DCDC2C: variants seen among roughly 807,000 people sequenced by gnomAD.
DCDC2C encodes doublecortin domain containing 2C.
DCDC2C carries 44 observed loss-of-function variants against 45.0 expected under a neutral mutation model. The observed-to-expected ratio is 0.98, with a 90% CI of 0.77 to 1.26. The LOEUF (loss-of-function observed/expected upper bound fraction) is 1.26, where lower values mean the gene tolerates loss of function less well. Ranked by LOEUF, DCDC2C falls within the 50% of genes most tolerant of loss-of-function variation. The pLI, the probability that DCDC2C is intolerant of heterozygous loss-of-function variation, is 0.00. For synonymous variants in DCDC2C, 187 were observed against 178.8 expected, an observed-to-expected ratio of 1.05 and a Z score of -0.37; for missense variants, 447 against 468.9, an observed-to-expected ratio of 0.95 and a Z score of 0.43.
At chr2:3,837,833 G>T (rs1572652014) in intron 10 of DCDC2C, among the ~76,000 whole-genome samples, 1 of 152,192 alleles carries the variant, frequency 6.6e-6, no homozygotes, top group African/African-American at 2.4e-5. Flanking sequence ...TTGGTCCTAT[G>T]CAGGAACAGG....
At chr2:3,839,294 A>C (rs1672153735) in intron 10 of DCDC2C, among the ~76,000 whole-genome samples, 1 of 152,240 alleles carries the variant, frequency 6.6e-6, no homozygotes, top group African/African-American at 2.4e-5. Context: ...AACTTTTCAC[A>C]AACTAATTAT....
At chr2:3,749,680 T>A (rs1669480932) in intron 4 of DCDC2C, among the ~76,000 whole-genome samples, 1 of 152,194 alleles carries the variant, frequency 6.6e-6, no homozygotes, top group Non-Finnish European at 1.5e-5. Context: ...GGCCAAGGTG[T>A]CCTGTTGGCC....
chr2:3,833,078 T>C (rs1671990228), intron 10 of DCDC2C, among the ~76,000 whole-genome samples: 1 of 152,212 alleles, frequency 6.6e-6, no homozygotes, highest in South Asian at 2.1e-4. Flanking sequence ...ATCCTTTGGC[T>C]TGTGGGCCCT....
intron 10 of DCDC2C, among the ~76,000 whole-genome samples, chr2:3,790,101 G>A (rs765360114): frequency 6.6e-6 from 1 of 152,194 alleles, no homozygotes; most frequent in Non-Finnish European, 1.5e-5. Context: ...GAAGGGTCTT[G>A]AAGGAGATAG....
chr2:3,735,669 TG>T (rs1669004438), intron 3 of DCDC2C, among the ~76,000 whole-genome samples: 1 of 152,076 alleles, frequency 6.6e-6, no homozygotes, highest in Non-Finnish European at 1.5e-5. Flanking sequence ...CAGGTGAAGG[TG>T]ACAAGCCCGG....
At chr2:3,779,045 G>A (rs1670435840) in intron 9 of DCDC2C, among the ~76,000 whole-genome samples, 161 bp downstream of exon 9, 1 of 152,162 alleles carries the variant, frequency 6.6e-6, no homozygotes, top group Non-Finnish European at 1.5e-5. Context: ...GGCAGCCGTG[G>A]ACACGATCGG....
intron 2 of DCDC2C, among the ~76,000 whole-genome samples, chr2:3,711,906 G>A (rs143364017): frequency 6.6e-6 from 1 of 152,320 alleles, no homozygotes; most frequent in East Asian, 1.9e-4. Flanking sequence ...CTCTGGGGTC[G>A]TGGGGATGGA....
At chr2:3,835,747 A>T (rs1672061449) in intron 10 of DCDC2C, among the ~76,000 whole-genome samples, 1 of 151,554 alleles carries the variant, frequency 6.6e-6, no homozygotes, top group Non-Finnish European at 1.5e-5. Flanking sequence ...TAAGGACAAG[A>T]TCCTTTTTTT....
At chr2:3,832,627 C>T (rs1303938401) in intron 10 of DCDC2C, among the ~76,000 whole-genome samples, 2 of 152,202 alleles carry the variant, frequency 1.3e-5, no homozygotes, top group Non-Finnish European at 2.9e-5. Context: ...CCGCTTGAGT[C>T]TTCTCTTCTC....
chr2:3,705,382 A>C (rs372916695), intron 1 of DCDC2C, among the ~76,000 whole-genome samples: 1 of 152,212 alleles, frequency 6.6e-6, no homozygotes, highest in Admixed American at 6.5e-5. Context: ...CTTTATAGCC[A>C]TGTGATTTGT....
intron 8 of DCDC2C, among the ~76,000 whole-genome samples, chr2:3,776,819 C>T (rs568330349): frequency 3.3e-5 from 5 of 152,304 alleles, no homozygotes; most frequent in East Asian, 1.9e-4. Context: ...GAATGCAACT[C>T]GCGGTCTCCT....
At chr2:3,837,844 A>G (rs996206521) in intron 10 of DCDC2C, among the ~76,000 whole-genome samples, 3 of 152,216 alleles carry the variant, frequency 2.0e-5, no homozygotes, top group Admixed American at 6.5e-5. Context: ...CAGGAACAGG[A>G]CAGCCCCTCC....
chr2:3,800,030 T>C (rs1219527533), intron 10 of DCDC2C, among the ~76,000 whole-genome samples: 1 of 152,112 alleles, frequency 6.6e-6, no homozygotes, highest in Admixed American at 6.5e-5. Context: ...ACTCCGTGGG[T>C]GTAGGACCCT....
chr2:3,725,638 G>GGAGGAGGCT (rs1668640986), intron 2 of DCDC2C, among the ~76,000 whole-genome samples: 1 of 138,886 alleles, frequency 7.2e-6, no homozygotes, highest in Admixed American at 7.0e-5. Context: ...TGACGAGGAT[G>GGAGGAGGCT]GCCAGGTGGA....
chr2:3,842,044 G>C (rs1255025168), intron 10 of DCDC2C, among the ~76,000 whole-genome samples: 5 of 152,134 alleles, frequency 3.3e-5, no homozygotes, highest in Non-Finnish European at 7.4e-5. Context: ...CCTTGTTCAA[G>C]ATGAATCTGC....
chr2:3,800,867 C>T (rs1671096115), intron 10 of DCDC2C, among the ~76,000 whole-genome samples: 1 of 152,186 alleles, frequency 6.6e-6, no homozygotes, highest in Admixed American at 6.5e-5. Flanking sequence ...TCCTCAGGCA[C>T]CCATAGCTTT....
At chr2:3,777,420 G>A (rs972316856) in intron 8 of DCDC2C, among the ~76,000 whole-genome samples, 2 of 152,194 alleles carry the variant, frequency 1.3e-5, no homozygotes, top group South Asian at 2.1e-4. Flanking sequence ...ACAATCACTT[G>A]TGTCTTCTGG....
chr2:3,711,712 A>G (rs531466968), intron 2 of DCDC2C, among the ~76,000 whole-genome samples: 15 of 150,344 alleles, frequency 1.0e-4, no homozygotes, highest in African/African-American at 3.8e-4. Flanking sequence ...GCTATTTTAA[A>G]CAGTGATGTA....
At chr2:3,781,691 T>C (rs1670512494) in intron 9 of DCDC2C, among the ~76,000 whole-genome samples, 1 of 152,040 alleles carries the variant, frequency 6.6e-6, no homozygotes, top group South Asian at 2.1e-4. Flanking sequence ...GAGACCCTGT[T>C]TCTACAAAAA....
Sources: gnomAD v4.1 joint callset for allele counts (sites outside exome capture counted in the v4.1 genomes callset) on GRCh38, gnomAD v4.1.1 for gene constraint, MANE v1.5 for transcripts, NCBI Gene and HGNC (gene_info 2026-07-23, HGNC 2026-07-21) for gene names.